CSNK1G1: variants seen among roughly 807,000 people sequenced by gnomAD.
The protein encoded by CSNK1G1 is casein kinase 1 gamma 1.
Under a neutral mutation model 59.6 loss-of-function variants are expected in CSNK1G1, and 22 were observed. That is an observed-to-expected ratio of 0.37 (90% confidence interval 0.26 to 0.53). The LOEUF is 0.53. CSNK1G1 is among the 20% of genes least tolerant of loss of function. The pLI, the probability that CSNK1G1 is intolerant of heterozygous loss-of-function variation, is 0.89. For synonymous variants in CSNK1G1, 179 were observed against 177.1 expected (o/e 1.01, Z -0.08); for missense variants, 384 against 519.5 (o/e 0.74, Z 2.54).
chr15:64,254,832 C>T (rs770819389), intron 3 of CSNK1G1, among the ~76,000 whole-genome samples: 9 of 152,128 alleles, frequency 5.9e-5, no homozygotes, highest in Non-Finnish European at 1.3e-4. Context: ...CTTTTGTTGT[C>T]TGTGATTTTG....
intron 4 of CSNK1G1, among the ~76,000 whole-genome samples, chr15:64,238,097 G>A (rs2082639494): frequency 6.6e-6 from 1 of 152,036 alleles, no homozygotes; most frequent in African/African-American, 2.4e-5. Context: ...CACAAAATTA[G>A]GGGGCATCAT....
At chr15:64,344,950 G>A (rs1897869484) in intron 1 of CSNK1G1, among the ~76,000 whole-genome samples, 1 of 152,182 alleles carries the variant, frequency 6.6e-6, no homozygotes, top group African/African-American at 2.4e-5. Context: ...TTGATTTGGA[G>A]ATAATGTATC....
chr15:64,309,898 C>G (rs979011943), intron 1 of CSNK1G1, among the ~76,000 whole-genome samples: 1 of 151,882 alleles, frequency 6.6e-6, no homozygotes, highest in African/African-American at 2.4e-5. Context: ...TCGCTTGAGC[C>G]GAAGAATTCA....
rs1371797940 is a variant in CSNK1G1 at position 64,179,999 on chromosome 15, C to T, written c.1214+349G>A. ...AGAAATCGAATGCTATTCAGCATGG[C>T]CCATGGTTTAACAGCAGATTTTTCT... On this transcript the variant is annotated intron_variant, in intron 11 of 11. Coordinates refer to ENST00000303052, the MANE Select transcript of CSNK1G1 (RefSeq NM_022048.5). 23 of 198,238 alleles carry T rather than the reference C, an allele frequency of 1.2e-4. No individual in the cohort carries two copies. The East Asian group carries it at 2.4e-3, about 21-fold the overall frequency. The allele number at this position is 198,238 out of a possible 1,614,324, so 12.3% of individuals were successfully genotyped here.
intron 1 of CSNK1G1, chr15:64,335,987 C>T (rs62022685): frequency 6.6e-6 from 1 of 152,196 alleles, no homozygotes; most frequent in African/African-American, 2.4e-5. Context: ...CATAGTATAA[C>T]AGTTGCTCAA....
In CSNK1G1 at chr15:64,227,689, C is replaced by T. The variant is rs2082480733; in HGVS notation, c.293-10976G>A. The stretch of plus-strand genomic sequence containing the variant: ...TCTTCACCTAAGTAGTCTTTTCCTA[C>T]CACACTTGAATCTCATGGTCATCCT... On this transcript the variant is annotated intron_variant, in intron 4 of 11. Transcript: ENST00000303052. Among the ~76,000 whole-genome samples the T allele has an allele frequency of 2.0e-5, 3 of 152,148 alleles. No homozygotes were observed. In the South Asian group the frequency reaches 6.2e-4, roughly 32 times the overall value.
At position 64,338,348 on chromosome 15, in the gene CSNK1G1, T is replaced by C. The variant is rs571297098; in HGVS notation, c.-225+17640A>G. Among the ~76,000 whole-genome samples, 8 of 152,306 alleles carry C rather than the reference T, an allele frequency of 5.3e-5. No individual in the cohort carries two copies. The South Asian group carries it at 1.2e-3, about 24-fold the overall frequency. Reference sequence around the variant, plus strand: ...ATAGCAAGATTAGGACTTCTATAGATGTGCAAGAACCATTTTCTAAGTAAG... The same window carrying C: ...ATAGCAAGATTAGGACTTCTATAGACGTGCAAGAACCATTTTCTAAGTAAG... On this transcript the variant is annotated intron_variant, in intron 1 of 11. Coordinates refer to ENST00000303052, the MANE Select transcript of CSNK1G1 (RefSeq NM_022048.5).
At chr15:64,256,103 A>C (rs947013530) in intron 3 of CSNK1G1, among the ~76,000 whole-genome samples, 3 of 152,234 alleles carry the variant, frequency 2.0e-5, no homozygotes, top group African/African-American at 4.8e-5. Context: ...CAAAGCAGCC[A>C]GGTATAGAAT....
intron 2 of CSNK1G1, among the ~76,000 whole-genome samples, chr15:64,264,924 T>G (rs1892900204): frequency 6.6e-6 from 1 of 152,174 alleles, no homozygotes; most frequent in African/African-American, 2.4e-5. Context: ...TCAGACTGAA[T>G]GGGGAAAAAT....
At chr15:64,204,751 T>A (rs1399309573) in intron 8 of CSNK1G1, 114 bp downstream of exon 8, 1 of 1,121,186 alleles carries the variant, frequency 8.9e-7, no homozygotes, top group East Asian at 2.3e-5. Flanking sequence ...TTGGTCTGTA[T>A]CACAAAAGGA....
chr15:64,252,515 A>G (rs1892146017), intron 3 of CSNK1G1, among the ~76,000 whole-genome samples: 1 of 142,786 alleles, frequency 7.0e-6, no homozygotes, highest in Admixed American at 6.7e-5. Context: ...CCTGGCTTAT[A>G]TTATTTTAAT....
intron 4 of CSNK1G1, among the ~76,000 whole-genome samples, chr15:64,225,670 AGGCT>A (rs1467235003): frequency 6.6e-6 from 1 of 152,190 alleles, no homozygotes; most frequent in East Asian, 1.9e-4. Flanking sequence ...CGTGTCGCCC[AGGCT>A]GGAGTGCAAT....
intron 4 of CSNK1G1, among the ~76,000 whole-genome samples, chr15:64,234,934 A>G (rs571338272): frequency 6.6e-6 from 1 of 152,290 alleles, no homozygotes; most frequent in African/African-American, 2.4e-5. Flanking sequence ...TAGGGCTTAA[A>G]TTGAGGAGAA....
rs954924618 is a variant in CSNK1G1 at position 64,180,471 on chromosome 15, G to C, written c.1108-17C>G. On this transcript the variant is annotated splice_polypyrimidine_tract_variant and intron_variant, in intron 10 of 11. Coordinates refer to ENST00000303052, the MANE Select transcript of CSNK1G1 (RefSeq NM_022048.5). Reference sequence around the variant, plus strand: ...GCTAACCACCTGAAACAGAAAGACAGAAGTGTGTGACAGGCACCATGGCAA... The same window carrying C: ...GCTAACCACCTGAAACAGAAAGACACAAGTGTGTGACAGGCACCATGGCAA... The C allele has an allele frequency of 1.3e-6, 2 of 1,598,156 alleles. No individual in the cohort carries two copies. Among genetic ancestry groups the C allele is most frequent in the African/African-American group, 1.3e-5 (1 of 74,588 alleles).
chr15:64,187,128 C>T (rs769975736), intron 10 of CSNK1G1, among the ~76,000 whole-genome samples: 4 of 151,880 alleles, frequency 2.6e-5, no homozygotes, highest in Admixed American at 6.6e-5. Flanking sequence ...GCCATCCTAG[C>T]TAATTTTTTA....
chr15:64,213,416 A>T (rs142261428), intron 6 of CSNK1G1, among the ~76,000 whole-genome samples: 4 of 152,288 alleles, frequency 2.6e-5, no homozygotes, highest in Admixed American at 6.5e-5. Flanking sequence ...ACTAATGGTA[A>T]ACCAAGTATA....
intron 4 of CSNK1G1, among the ~76,000 whole-genome samples, chr15:64,228,240 TTTTTTAAA>T (rs1450082948): frequency 6.6e-6 from 1 of 152,158 alleles, no homozygotes; most frequent in East Asian, 1.9e-4. Context: ...GGGGCATTAC[TTTTTTAAA>T]TTATAAAAGT....
In CSNK1G1 at chr15:64,171,871, G is replaced by A; in HGVS notation, c.*60C>T. The A allele has an allele frequency of 4.4e-6, 6 of 1,359,116 alleles. 1 individual carries two copies. The highest frequency in any genetic ancestry group is 3.5e-5 in the South Asian group (3 of 86,050). 84.2% of individuals were successfully genotyped at this position (1,359,116 alleles called of 1,614,324 possible). ...AGTCCCTTCCAATGAGAAATGGCAGGAGCTGCAGGTACAATTGAGTCAGAG... is the reference window on the plus strand; with the variant it reads ...AGTCCCTTCCAATGAGAAATGGCAGAAGCTGCAGGTACAATTGAGTCAGAG... On this transcript the variant is annotated 3_prime_UTR_variant, in exon 12 of 12. Coordinates refer to ENST00000303052, the MANE Select transcript of CSNK1G1 (RefSeq NM_022048.5). This position sits in a 1 kb window ranked among gnomAD's most constrained non-coding sequence, Gnocchi z 4.8.
chr15:64,266,534 A>G (rs1198962865), intron 2 of CSNK1G1, among the ~76,000 whole-genome samples: 1 of 152,220 alleles, frequency 6.6e-6, no homozygotes, highest in Non-Finnish European at 1.5e-5. Context: ...TAAAATTCAT[A>G]TGGAACCACA....
Sources: allele counts gnomAD v4.1 joint callset (sites outside exome capture counted in the v4.1 genomes callset), GRCh38; gene constraint gnomAD v4.1.1; non-coding constraint Gnocchi (gnomAD v3.1); transcripts MANE v1.5; gene names NCBI Gene and HGNC (gene_info 2026-07-23, HGNC 2026-07-21).